Variants in RGS5 observed in about 807,000 individuals in gnomAD.
The protein encoded by RGS5 is regulator of G protein signaling 5.
In RGS5, 20 loss-of-function variants were observed where a neutral mutation model predicts 18.9. The observed-to-expected ratio is 1.06, with a 90% CI of 0.74 to 1.54. The LOEUF (loss-of-function observed/expected upper bound fraction) is 1.54, where lower values mean the gene tolerates loss of function less well. Ranked by LOEUF, RGS5 falls within the 40% of genes most tolerant of loss-of-function variation. The pLI is 0.00. For synonymous variants in RGS5, 57 were observed against 76.2 expected, an observed-to-expected ratio of 0.75 and a Z score of 1.31; for missense variants, 201 against 211.8, an observed-to-expected ratio of 0.95 and a Z score of 0.32.
intron 2 of RGS5, among the ~76,000 whole-genome samples, chr1:163,225,168 T>G (rs1316211006): frequency 6.6e-6 from 1 of 151,944 alleles, no homozygotes; most frequent in African/African-American, 2.4e-5. Context: ...TCCATTGGGG[T>G]GGGTTTTGAG....
chr1:163,148,061 G>A (rs1657225131), intron 4 of RGS5, among the ~76,000 whole-genome samples: 1 of 151,500 alleles, frequency 6.6e-6, no homozygotes, highest in South Asian at 2.1e-4. Context: ...CCAACTAGCT[G>A]GGTTACAGGC....
chr1:163,255,190 C>T (rs1648237702), intron 2 of RGS5, among the ~76,000 whole-genome samples: 1 of 152,100 alleles, frequency 6.6e-6, no homozygotes, highest in Non-Finnish European at 1.5e-5. Context: ...TGAAGAAAGT[C>T]ATTGGTAGCT....
At chr1:163,147,989 C>T (rs1325578903) in intron 4 of RGS5, among the ~76,000 whole-genome samples, 3 of 132,876 alleles carry the variant, frequency 2.3e-5, no homozygotes, top group Admixed American at 9.2e-5. Flanking sequence ...AGTGCAGTGG[C>T]GCCATTTGGT....
At chr1:163,316,605 GATATAATATCAGAT>G (rs141028104) in intron 1 of RGS5, among the ~76,000 whole-genome samples, 10,220 of 151,236 alleles carry the variant, frequency 0.068, 366 homozygotes, top group South Asian at 0.095. Flanking sequence ...AAGCTAATAT[GATATAATATCAGAT>G]AGCATTTTAA....
At chr1:163,230,950 C>A (rs548017078) in intron 2 of RGS5, among the ~76,000 whole-genome samples, 92 of 152,100 alleles carry the variant, frequency 6.0e-4, no homozygotes, top group African/African-American at 2.2e-3. Flanking sequence ...GTCACTTTTC[C>A]CATTATTGAT....
chr1:163,240,963 T>C (rs1023022745), intron 2 of RGS5, among the ~76,000 whole-genome samples: 3 of 152,226 alleles, frequency 2.0e-5, no homozygotes, highest in African/African-American at 7.2e-5. Context: ...CGCCAACTAC[T>C]CTCACCCAGT....
intron 1 of RGS5, among the ~76,000 whole-genome samples, chr1:163,182,239 C>T (rs1415095317): frequency 6.6e-6 from 1 of 152,066 alleles, no homozygotes; most frequent in Non-Finnish European, 1.5e-5. Flanking sequence ...AGATTTCCAC[C>T]TCATAATAAT....
chr1:163,266,885 A>T (rs1452106343), intron 2 of RGS5, among the ~76,000 whole-genome samples: 1 of 152,202 alleles, frequency 6.6e-6, no homozygotes, highest in Non-Finnish European at 1.5e-5. Context: ...GAAATGGTAA[A>T]GGAGTTGGAA....
At chr1:163,256,489 G>T (rs529292550) in intron 2 of RGS5, among the ~76,000 whole-genome samples, 1 of 152,138 alleles carries the variant, frequency 6.6e-6, no homozygotes, top group Non-Finnish European at 1.5e-5. Context: ...TGATGAATAC[G>T]CCTGTGATGA....
At chr1:163,294,152 C>G (rs547840991) in intron 2 of RGS5, among the ~76,000 whole-genome samples, 1 of 152,176 alleles carries the variant, frequency 6.6e-6, no homozygotes, top group Non-Finnish European at 1.5e-5. Flanking sequence ...CTAGGCAGTG[C>G]CCCAGTGGGG....
chr1:163,217,058 G>C (rs1001048112), intron 1 of RGS5, among the ~76,000 whole-genome samples: 9 of 152,042 alleles, frequency 5.9e-5, no homozygotes, highest in Admixed American at 2.0e-4. Flanking sequence ...ACAAAGAGGG[G>C]AACAACAGAC....
intron 4 of RGS5, among the ~76,000 whole-genome samples, chr1:163,151,362 G>A (rs1482429490): frequency 6.6e-6 from 1 of 152,090 alleles, no homozygotes; most frequent in African/African-American, 2.4e-5. Context: ...AAAGAGAGGT[G>A]TTTAAAGGAA....
intron 1 of RGS5, among the ~76,000 whole-genome samples, chr1:163,176,425 C>G (rs2102410199): frequency 6.6e-6 from 1 of 152,270 alleles, no homozygotes; most frequent in African/African-American, 2.4e-5. Context: ...AGTTCGACAC[C>G]AGCCTGACCA....
At chr1:163,205,591 C>G (rs557902400), upstream of RGS5, among the ~76,000 whole-genome samples, 1 of 151,972 alleles carries the variant, frequency 6.6e-6, no homozygotes, top group African/African-American at 2.4e-5. Context: ...GGAGTGGTAC[C>G]TAATGAAACA....
chr1:163,320,144 A>T (rs1234487754), intron 1 of RGS5, among the ~76,000 whole-genome samples: 1 of 152,076 alleles, frequency 6.6e-6, no homozygotes, highest in Admixed American at 6.5e-5. Context: ...TCCATGGTCC[A>T]TTCTAATCTT....
chr1:163,152,560 G>T lies in RGS5; in HGVS notation c.374C>A (p.Ala125Asp). 2.5e-6 allele frequency: 4 copies of T among 1,612,024 alleles called. No individual in the cohort carries two copies. Among genetic ancestry groups the T allele is most frequent in the Non-Finnish European group, 3.4e-6 (4 of 1,178,928 alleles). The change falls in exon 4 of 5, where the codon GCT (alanine) becomes GAT (aspartate). Residue 125 changes from alanine to aspartate, a missense_variant. Ala to Asp is a moderately radical substitution (Grantham distance 126). Transcript: ENST00000313961. The stretch of plus-strand genomic sequence containing the variant: ...TACCCAGAGACCAACCTCTTTAGGA[G>T]CCTCCGTTTGAATGAATTCTTCATA... ...QIYEEFIQTE[A>D]PKEVNIDHFT...
upstream of RGS5, among the ~76,000 whole-genome samples, chr1:163,206,222 C>T (rs571540365): frequency 3.9e-5 from 6 of 152,248 alleles, no homozygotes; most frequent in South Asian, 6.2e-4. Flanking sequence ...CCTGCTGAAC[C>T]TGCTGGCACC....
At chr1:163,178,641 A>C (rs1658670846) in intron 1 of RGS5, among the ~76,000 whole-genome samples, 1 of 152,204 alleles carries the variant, frequency 6.6e-6, no homozygotes, top group Admixed American at 6.5e-5. Context: ...AAACTGATAA[A>C]TAATGATGCA....
At chr1:163,305,511 C>T (rs1369613515) in intron 2 of RGS5, among the ~76,000 whole-genome samples, 1 of 152,230 alleles carries the variant, frequency 6.6e-6, no homozygotes, top group Non-Finnish European at 1.5e-5. Context: ...TATTGGTCCT[C>T]TTTCAAGTAG....
Sources: allele counts gnomAD v4.1 joint callset (sites outside exome capture counted in the v4.1 genomes callset), GRCh38; gene constraint gnomAD v4.1.1; transcripts MANE v1.5; gene names NCBI Gene and HGNC (gene_info 2026-07-23, HGNC 2026-07-21).